Variants in FAM3C observed in about 807,000 individuals in gnomAD.
FAM3C encodes FAM3 metabolism regulating signaling molecule C, also known as protein FAM3C.
A neutral mutation model predicts 32.5 loss-of-function variants in FAM3C; 15 were observed. The ratio of observed to expected loss-of-function variants is 0.46; its 90% confidence interval spans 0.31 to 0.71. FAM3C has a LOEUF of 0.71. FAM3C is among the 30% of genes least tolerant of loss of function. The probability of loss-of-function intolerance (pLI) is 0.05; values close to 1 mark genes in which losing one functional copy is unlikely to be tolerated. For synonymous variants in FAM3C, 75 were observed against 86.1 expected, an observed-to-expected ratio of 0.87 and a Z score of 0.72; for missense variants, 175 against 274.4, an observed-to-expected ratio of 0.64 and a Z score of 2.56.
chr7:121,371,525 A>G, intron 4 of FAM3C, 102 bp from the exon 5 acceptor site: 2 of 1,213,202 alleles, frequency 1.6e-6, no homozygotes, highest in East Asian at 4.8e-5. Flanking sequence ...TAAGAAAAAC[A>G]TCAAGATACA....
intron 1 of FAM3C, among the ~76,000 whole-genome samples, chr7:121,383,530 C>T (rs2116950734): frequency 6.6e-6 from 1 of 152,206 alleles, no homozygotes; most frequent in Admixed American, 6.5e-5. Context: ...GATTTCAATA[C>T]CAGGGACCTC....
At chr7:121,393,737 A>C (rs1054684108) in intron 1 of FAM3C, among the ~76,000 whole-genome samples, 1 of 152,186 alleles carries the variant, frequency 6.6e-6, no homozygotes, top group Non-Finnish European at 1.5e-5. Context: ...GAAAGTACAA[A>C]ACCTTTTAAA....
chr7:121,392,565 C>G (rs1026024115), intron 1 of FAM3C, among the ~76,000 whole-genome samples: 14 of 152,148 alleles, frequency 9.2e-5, no homozygotes, highest in Non-Finnish European at 2.1e-4. Flanking sequence ...AACCACACCA[C>G]GTATCAACTG....
Position 121,378,006 on chromosome 7 carries a change from T to A in FAM3C, c.118+904A>T, listed in dbSNP as rs1029854438. On this transcript the variant is annotated intron_variant, in intron 3 of 9. Coordinates refer to ENST00000359943, the MANE Select transcript of FAM3C (RefSeq NM_014888.3). ...TATAGCGCCTTGGTTAAATAATTGT[T>A]TTCCACTTTAATGTGTCAAAATTAA... Among the ~76,000 whole-genome samples, 3 of 152,216 alleles carry A rather than the reference T, an allele frequency of 2.0e-5. No homozygotes were observed. The South Asian group carries it at 6.2e-4, about 32-fold the overall frequency.
At chr7:121,371,581 G>T (rs1358441079) in intron 4 of FAM3C, among the ~76,000 whole-genome samples, 158 bp from the exon 5 acceptor site, 2 of 151,504 alleles carry the variant, frequency 1.3e-5, no homozygotes, top group Non-Finnish European at 2.9e-5. Context: ...GGGTTTCAAA[G>T]AACCTCAAAA....
intron 1 of FAM3C, 34 bp from the exon 2 acceptor site, chr7:121,383,044 G>C: frequency 8.6e-7 from 1 of 1,163,040 alleles, no homozygotes; most frequent in South Asian, 1.3e-5. Context: ...AATATCATTA[G>C]CTCTAGAGCA....
At chr7:121,369,429 G>A (rs1306803613) in intron 5 of FAM3C, among the ~76,000 whole-genome samples, 3 of 152,122 alleles carry the variant, frequency 2.0e-5, no homozygotes, top group African/African-American at 7.2e-5. Flanking sequence ...TCTTTCTTTG[G>A]ACTTTAACCT....
intron 3 of FAM3C, among the ~76,000 whole-genome samples, chr7:121,376,772 CAT>C (rs1227727411): frequency 1.3e-5 from 2 of 152,128 alleles, no homozygotes; most frequent in African/African-American, 4.8e-5. Flanking sequence ...CTGAAGTCTA[CAT>C]ATCAGAATTG....
chr7:121,357,594 G>A lies in FAM3C; in HGVS notation c.467+2449C>T, dbSNP rs552953405. Among the ~76,000 whole-genome samples, 18 of 152,184 alleles carry A rather than the reference G, an allele frequency of 1.2e-4. No homozygotes were observed. In the East Asian group the frequency reaches 2.5e-3, roughly 21 times the overall value. ...ATGATGCTTACAATTTCTTTTACTG[G>A]TATTTAGGAAAAGGAAATATTTGAA... On this transcript the variant is annotated intron_variant, in intron 8 of 9. Coordinates refer to ENST00000359943, the MANE Select transcript of FAM3C (RefSeq NM_014888.3).
At chr7:121,394,871 T>C (rs1794653695) in intron 1 of FAM3C, among the ~76,000 whole-genome samples, 1 of 152,236 alleles carries the variant, frequency 6.6e-6, no homozygotes, top group African/African-American at 2.4e-5. Flanking sequence ...ATTTTCTAAA[T>C]TCAATAGAGA....
At chr7:121,352,044 G>A (rs1263025994) in intron 8 of FAM3C, among the ~76,000 whole-genome samples, 1 of 152,012 alleles carries the variant, frequency 6.6e-6, no homozygotes, top group Non-Finnish European at 1.5e-5. Context: ...AAAAATTAAG[G>A]GCTACTTGTA....
intron 7 of FAM3C, among the ~76,000 whole-genome samples, chr7:121,360,420 GAAGT>G (rs1347717188): frequency 6.6e-6 from 1 of 152,120 alleles, no homozygotes; most frequent in Non-Finnish European, 1.5e-5. Flanking sequence ...CATGACTTAC[GAAGT>G]AAGAAATTCA....
At position 121,379,057 on chromosome 7, in the gene FAM3C, G is replaced by C. The variant is rs761729189; in HGVS notation, c.14-43C>G. ...TTCAGCATAACTTTGTAAGCCCACAGAACTTTTATTTTGCATTTCTATGAA... is the reference window on the plus strand; with the variant it reads ...TTCAGCATAACTTTGTAAGCCCACACAACTTTTATTTTGCATTTCTATGAA... On this transcript the variant is annotated intron_variant, in intron 2 of 9. Transcript: ENST00000359943. 1.7e-5 allele frequency: 18 copies of C among 1,077,056 alleles called. No homozygotes were observed. The Admixed American group carries it at 4.7e-4, about 28-fold the overall frequency. The allele number at this position is 1,077,056 out of a possible 1,614,324, so 66.7% of individuals were successfully genotyped here.
At chr7:121,392,688 A>G (rs1794601412) in intron 1 of FAM3C, among the ~76,000 whole-genome samples, 1 of 152,258 alleles carries the variant, frequency 6.6e-6, no homozygotes, top group Non-Finnish European at 1.5e-5. Context: ...ACACCATAAC[A>G]CTACCTTAGC....
In FAM3C at chr7:121,388,857, C is replaced by T. The variant is rs1794519207; in HGVS notation, c.-41-5847G>A. Among the ~76,000 whole-genome samples, 3 of 152,050 alleles carry T rather than the reference C, an allele frequency of 2.0e-5. No individual in the cohort carries two copies. The South Asian group carries it at 6.2e-4, about 32-fold the overall frequency. ...TTTCCCCTAGAATGTTAACCAATGC[C>T]AGATATGAAGCAAATTGGGATTATA... On this transcript the variant is annotated intron_variant, in intron 1 of 9. Transcript: ENST00000359943.
At chr7:121,380,547 TGAGGGTG>T (rs1404980771) in intron 2 of FAM3C, among the ~76,000 whole-genome samples, 3 of 151,750 alleles carry the variant, frequency 2.0e-5, no homozygotes. Context: ...GGGGCCTACT[TGAGGGTG>T]GAGGGTGGGA....
At chr7:121,362,452 G>A (rs1427678467) in intron 7 of FAM3C, among the ~76,000 whole-genome samples, 1 of 151,846 alleles carries the variant, frequency 6.6e-6, no homozygotes, top group Non-Finnish European at 1.5e-5. Flanking sequence ...TCTTTCTAAT[G>A]CTCCTAATGC....
Position 121,350,535 on chromosome 7 carries a change from T to C in FAM3C, c.610A>G (p.Lys204Glu), listed in dbSNP as rs1477722493. The C allele has an allele frequency of 6.2e-7, 1 of 1,612,912 alleles. No individual in the cohort carries two copies. ...CATCCTTCATATTTGTTTGTATCCT[T>C]ATTGTTCTTTATGTGCTATTGGAAC... ...SPFEQHIKNN[K>E]DTNKYEGWPE... Residue 204 changes from lysine to glutamate, a missense_variant, in exon 10 of 10, where the codon AAG becomes GAG. Transcript: ENST00000359943.
intron 1 of FAM3C, among the ~76,000 whole-genome samples, chr7:121,385,503 A>C (rs1192836844): frequency 6.6e-6 from 1 of 152,168 alleles, no homozygotes; most frequent in Admixed American, 6.5e-5. Flanking sequence ...GGACGTACTA[A>C]ACTTCTTTAC....
Sources: allele counts gnomAD v4.1 joint callset (sites outside exome capture counted in the v4.1 genomes callset), GRCh38; gene constraint gnomAD v4.1.1; transcripts MANE v1.5; gene names NCBI Gene and HGNC (gene_info 2026-07-23, HGNC 2026-07-21).